Variants in ZBTB8A observed in about 807,000 individuals in gnomAD.
ZBTB8A encodes zinc finger and BTB domain containing 8A.
In ZBTB8A, 19 loss-of-function variants were observed where a neutral mutation model predicts 37.8. The ratio of observed to expected loss-of-function variants is 0.50; its 90% CI spans 0.35 to 0.74. The LOEUF (loss-of-function observed/expected upper bound fraction) is 0.74. Ranked by LOEUF, ZBTB8A falls within the 30% of genes least tolerant of loss-of-function variation. The probability of loss-of-function intolerance (pLI) is 0.01; values close to 1 mark genes in which losing one functional copy is unlikely to be tolerated. For synonymous variants in ZBTB8A, 181 were observed against 185.2 expected, an observed-to-expected ratio of 0.98 and a Z score of 0.19; for missense variants, 394 against 537.8, an observed-to-expected ratio of 0.73 and a Z score of 2.65.
intron 4 of ZBTB8A, among the ~76,000 whole-genome samples, chr1:32,597,278 AG>A (rs1264300923): frequency 6.6e-6 from 1 of 152,162 alleles, no homozygotes; most frequent in Non-Finnish European, 1.5e-5. Flanking sequence ...TACAGGCGTG[AG>A]CCACCACGTC....
chr1:32,573,634 A>G (rs546411439), intron 2 of ZBTB8A, among the ~76,000 whole-genome samples: 1 of 140,596 alleles, frequency 7.1e-6, no homozygotes, highest in Admixed American at 7.3e-5. Context: ...GGGTTTCACT[A>G]TGTTGCCCAG....
intron 1 of ZBTB8A, among the ~76,000 whole-genome samples, chr1:32,542,346 G>T (rs531428130): frequency 6.7e-6 from 1 of 149,804 alleles, no homozygotes; most frequent in African/African-American, 2.5e-5. Flanking sequence ...GGGGGGGCGG[G>T]GTGTGGATCA....
At chr1:32,555,686 T>G (rs1321005301) in intron 2 of ZBTB8A, among the ~76,000 whole-genome samples, 1 of 152,132 alleles carries the variant, frequency 6.6e-6, no homozygotes. Flanking sequence ...ACAGCCTAAT[T>G]GCTATTTGCA....
At chr1:32,586,913 G>T (rs142580698) in intron 2 of ZBTB8A, among the ~76,000 whole-genome samples, 2 of 152,258 alleles carry the variant, frequency 1.3e-5, no homozygotes, top group East Asian at 3.9e-4. Context: ...TGTGGCTGCT[G>T]TATTCAGACT....
At chr1:32,567,614 G>A (rs1030100204) in intron 2 of ZBTB8A, among the ~76,000 whole-genome samples, 28 of 150,652 alleles carry the variant, frequency 1.9e-4, no homozygotes, top group Admixed American at 1.7e-3. Flanking sequence ...CTAACACGGT[G>A]AAACCCGGTC....
At chr1:32,570,436 A>G (rs1644315434) in intron 2 of ZBTB8A, among the ~76,000 whole-genome samples, 1 of 152,186 alleles carries the variant, frequency 6.6e-6, no homozygotes, top group African/African-American at 2.4e-5. Context: ...GCAGCTTGAT[A>G]CTTTCTACAG....
In ZBTB8A at chr1:32,549,513, C is replaced by T. The variant is rs374956662; in HGVS notation, c.-83-3946C>T. Reference sequence around the variant, plus strand: ...GTCTCAAAAAAAAAAAAAAAGACTGCCCAACAGGCCCCCCAGGGAGGGAAT... The same window carrying T: ...GTCTCAAAAAAAAAAAAAAAGACTGTCCAACAGGCCCCCCAGGGAGGGAAT... On this transcript the variant is annotated intron_variant, in intron 1 of 4. Transcript: ENST00000373510. Among the ~76,000 whole-genome samples, 19 of 151,644 alleles carry T rather than the reference C, an allele frequency of 1.3e-4. No individual in the cohort carries two copies. In the East Asian group the frequency reaches 1.7e-3, roughly 14 times the overall value.
At chr1:32,587,072 C>G (rs960789048) in intron 2 of ZBTB8A, among the ~76,000 whole-genome samples, 4 of 151,908 alleles carry the variant, frequency 2.6e-5, no homozygotes, top group African/African-American at 9.7e-5. Context: ...AAATCCGTCT[C>G]TACTAAAAAT....
chr1:32,554,306 A>AT, intron 2 of ZBTB8A, among the ~76,000 whole-genome samples: 1 of 149,634 alleles, frequency 6.7e-6, no homozygotes, highest in African/African-American at 2.4e-5. Context: ...CAGCGTTCTG[A>AT]TTTTTTTGGT....
chr1:32,579,470 G>GA (rs1295857145), intron 2 of ZBTB8A, among the ~76,000 whole-genome samples: 1 of 149,894 alleles, frequency 6.7e-6, no homozygotes. Context: ...AAAAAGAAAA[G>GA]AAAAAAAACA....
At chr1:32,570,800 G>C (rs1644317232) in intron 2 of ZBTB8A, among the ~76,000 whole-genome samples, 1 of 151,630 alleles carries the variant, frequency 6.6e-6, no homozygotes, top group African/African-American at 2.4e-5. Flanking sequence ...TTCTTTATAG[G>C]ATTTTCTGTA....
intron 2 of ZBTB8A, among the ~76,000 whole-genome samples, chr1:32,591,434 G>A (rs971828045): frequency 6.6e-6 from 1 of 151,890 alleles, no homozygotes; most frequent in Non-Finnish European, 1.5e-5. Flanking sequence ...GAACAGGCTG[G>A]TCTCACACTC....
chr1:32,569,411 T>G (rs548085732), intron 2 of ZBTB8A, among the ~76,000 whole-genome samples: 3,553 of 136,782 alleles, frequency 0.026, 18 homozygotes, highest in Non-Finnish European at 0.041. Flanking sequence ...TTTTTTTTTT[T>G]GAGACAGAGT....
intron 2 of ZBTB8A, among the ~76,000 whole-genome samples, chr1:32,578,359 G>A (rs183276076): frequency 7.9e-5 from 12 of 151,482 alleles, no homozygotes; most frequent in Admixed American, 7.9e-4. Flanking sequence ...TTACAGGCCT[G>A]AGCCACCACA....
Position 32,600,214 on chromosome 1 carries a change from T to G in ZBTB8A, c.1121T>G (p.Ile374Arg). 1 of 1,614,176 alleles carries G rather than the reference T, an allele frequency of 6.2e-7. No homozygotes were observed. Among genetic ancestry groups the G allele is most frequent in the Non-Finnish European group, 8.5e-7 (1 of 1,180,014 alleles). ...LCNECLAEFG[I>R]DSLPIDLEAE... ...AATGAGTGTCTTGCAGAATTTGGCA[T>G]AGACAGCCTCCCCATTGACTTGGAA... The change falls in exon 5 of 5, where the codon ATA becomes AGA. Residue 374 changes from isoleucine (I) to arginine (R), a missense_variant. By Grantham distance (97) the Ile-to-Arg change is moderately conservative (BLOSUM62 -3). Coordinates refer to ENST00000373510, the MANE Select transcript of ZBTB8A (RefSeq NM_001040441.3).
chr1:32,600,050 A>G, intron 4 of ZBTB8A, 37 bp from the exon 5 acceptor site: 4 of 1,556,134 alleles, frequency 2.6e-6, no homozygotes, highest in Non-Finnish European at 2.6e-6. Flanking sequence ...CCTGCTTTTG[A>G]AAAATCACTT....
At chr1:32,599,800 G>A (rs900588649) in intron 4 of ZBTB8A, among the ~76,000 whole-genome samples, 1 of 151,974 alleles carries the variant, frequency 6.6e-6, no homozygotes, top group African/African-American at 2.4e-5. Flanking sequence ...TATTATCATA[G>A]GAAGTTACCT....
At position 32,603,718 on chromosome 1, in the gene ZBTB8A, A is replaced by AC. The variant is rs1206282542; in HGVS notation, c.*3300dup. ...AGCATGAATATCCAACATTCACTGA[A>AC]CACAGTGCCACCAGCACTTGTAATT... On this transcript the variant is annotated 3_prime_UTR_variant, in exon 5 of 5. Transcript: ENST00000373510. 6.6e-6 allele frequency: 1 copy of AC among 152,666 alleles called. No homozygotes were observed. The highest frequency in any genetic ancestry group is 1.5e-5 in the Non-Finnish European group (1 of 68,032). 9.5% of individuals were successfully genotyped at this position (152,666 alleles called of 1,614,324 possible). A position where few individuals can be genotyped will look rare whatever the true frequency, so the allele number is the denominator to read the frequency against.
chr1:32,599,621 G>A (rs1644559873), intron 4 of ZBTB8A, among the ~76,000 whole-genome samples: 1 of 152,058 alleles, frequency 6.6e-6, no homozygotes, highest in Non-Finnish European at 1.5e-5. Flanking sequence ...GGAGGCTGAG[G>A]CAGGAGAATT....
Sources: gnomAD v4.1 joint callset for allele counts (sites outside exome capture counted in the v4.1 genomes callset) on GRCh38, gnomAD v4.1.1 for gene constraint, MANE v1.5 for transcripts, NCBI Gene and HGNC (gene_info 2026-07-23, HGNC 2026-07-21) for gene names.